BLTP1: variants seen among roughly 807,000 people sequenced by gnomAD.
BLTP1 encodes bridge-like lipid transfer protein family member 1, also known as fragile site-associated protein.
the BLTP1 span, among the ~76,000 whole-genome samples, chr4:122,312,071 T>C: frequency 2.0e-5 from 3 of 152,214 alleles, no homozygotes; most frequent in African/African-American, 7.2e-5. Flanking sequence ...AATCTTGCTC[T>C]GTTACCTAGG....
the BLTP1 span, chr4:122,207,718 C>T: frequency 8.5e-7 from 1 of 1,181,324 alleles, no homozygotes; most frequent in Non-Finnish European, 1.2e-6. Context: ...TCACTCTCTT[C>T]TCCCCAGTCC....
the BLTP1 span, chr4:122,239,764 G>A: frequency 1.9e-6 from 3 of 1,614,152 alleles, no homozygotes; most frequent in Admixed American, 5.0e-5. Flanking sequence ...CAGAGGAGAA[G>A]TTTTGGTTCA....
At chr4:122,240,196 C>T in the BLTP1 span, 6 of 1,613,964 alleles carry the variant, frequency 3.7e-6, no homozygotes, top group Non-Finnish European at 5.1e-6. Flanking sequence ...TGTTATCAGA[C>T]TTACCTTACT....
At chr4:122,157,554 G>A in the BLTP1 span, among the ~76,000 whole-genome samples, 1 of 152,126 alleles carries the variant, frequency 6.6e-6, no homozygotes, top group Non-Finnish European at 1.5e-5. Flanking sequence ...TGAGAATAAT[G>A]CCACCTGCTG....
chr4:122,206,073 T>C, the BLTP1 span: 1 of 979,512 alleles, frequency 1.0e-6, no homozygotes. Flanking sequence ...AGACAAAATA[T>C]ATGAACACAA....
At chr4:122,184,337 C>T in the BLTP1 span, among the ~76,000 whole-genome samples, 1 of 152,014 alleles carries the variant, frequency 6.6e-6, no homozygotes, top group African/African-American at 2.4e-5. Flanking sequence ...ATAGCAGTTG[C>T]TAAGAAAAAA....
At chr4:122,326,698 T>TA in the BLTP1 span, among the ~76,000 whole-genome samples, 5 of 151,408 alleles carry the variant, frequency 3.3e-5, no homozygotes, top group East Asian at 1.9e-4. Flanking sequence ...GTACTGCTTG[T>TA]AAAAAAATGG....
At chr4:122,258,018 C>G in the BLTP1 span, among the ~76,000 whole-genome samples, 1 of 152,086 alleles carries the variant, frequency 6.6e-6, no homozygotes, top group Non-Finnish European at 1.5e-5. Flanking sequence ...TTACCTGATG[C>G]CTGCTTGATC....
At chr4:122,199,512 T>G in the BLTP1 span, 1 of 1,386,858 alleles carries the variant, frequency 7.2e-7, no homozygotes, top group Non-Finnish European at 1.0e-6. Flanking sequence ...TTTAATTTTC[T>G]TATATTAAGT....
the BLTP1 span, chr4:122,346,374 T>G: frequency 3.8e-6 from 3 of 784,674 alleles, no homozygotes; most frequent in African/African-American, 5.6e-5. Context: ...AGACTGATCT[T>G]TAGAACTTCT....
chr4:122,201,979 A>G, the BLTP1 span: 2 of 557,906 alleles, frequency 3.6e-6, no homozygotes, highest in Non-Finnish European at 4.5e-6. Flanking sequence ...TGTGTAAATG[A>G]TTTCACTGTT....
At chr4:122,243,446 A>C in the BLTP1 span, 27 of 985,084 alleles carry the variant, frequency 2.7e-5, no homozygotes, top group Non-Finnish European at 3.1e-5. Flanking sequence ...TGGGACATAA[A>C]ATGTCAAGTC....
At chr4:122,282,566 C>T in the BLTP1 span, among the ~76,000 whole-genome samples, 8 of 152,182 alleles carry the variant, frequency 5.3e-5, no homozygotes, top group East Asian at 1.9e-4. Flanking sequence ...CGCTTGAATC[C>T]GGGAGGCGGA....
the BLTP1 span, among the ~76,000 whole-genome samples, chr4:122,213,018 C>G: frequency 2.0e-5 from 3 of 152,120 alleles, no homozygotes; most frequent in South Asian, 6.2e-4. Context: ...TTGTGCAATT[C>G]TTTGAGTTTC....
At chr4:122,199,371 C>A in the BLTP1 span, 5 of 1,612,628 alleles carry the variant, frequency 3.1e-6, no homozygotes, top group Non-Finnish European at 4.2e-6. Context: ...TACACTCCTG[C>A]TATTAAGGGA....
chr4:122,272,222 A>G, the BLTP1 span: 3 of 1,613,372 alleles, frequency 1.9e-6, no homozygotes, highest in Non-Finnish European at 2.5e-6. Context: ...AGACAACAGC[A>G]GTTTGACTAA....
At chr4:122,237,968 C>T in the BLTP1 span, 180 of 970,336 alleles carry the variant, frequency 1.9e-4, no homozygotes, top group Non-Finnish European at 2.3e-4. Context: ...GGTGACAGAG[C>T]GAGACTCCAT....
chr4:122,355,763 A>T, the BLTP1 span: 101 of 1,550,246 alleles, frequency 6.5e-5, no homozygotes, highest in East Asian at 6.2e-4. Context: ...CTATTGTTTT[A>T]ATTTGACTCT....
At chr4:122,341,865 T>C in the BLTP1 span, 2 of 970,968 alleles carry the variant, frequency 2.1e-6, no homozygotes, top group South Asian at 4.8e-5. Flanking sequence ...GTGAAGTAAG[T>C]ATGGGTTAGC....
Sources: allele counts gnomAD v4.1 joint callset (sites outside exome capture counted in the v4.1 genomes callset), GRCh38; gene constraint gnomAD v4.1.1; transcripts MANE v1.5; gene names NCBI Gene and HGNC (gene_info 2026-07-23, HGNC 2026-07-21).